RSRC1: variants seen among roughly 807,000 people sequenced by gnomAD.
RSRC1 encodes arginine and serine rich coiled-coil 1.
Under a neutral mutation model 49.1 loss-of-function variants are expected in RSRC1, and 39 were observed. The observed-to-expected ratio is 0.79, with a 90% CI of 0.61 to 1.04. RSRC1 has a LOEUF of 1.04. Among genes scored for constraint, RSRC1 ranks in the 50% least tolerant of loss-of-function variants. The pLI is 0.00. For synonymous variants in RSRC1, 143 were observed against 130.8 expected, an observed-to-expected ratio of 1.09 and a Z score of -0.63; for missense variants, 388 against 402.4, an observed-to-expected ratio of 0.96 and a Z score of 0.31.
At chr3:158,254,270 G>A (rs895260117) in intron 4 of RSRC1, among the ~76,000 whole-genome samples, 5 of 152,070 alleles carry the variant, frequency 3.3e-5, no homozygotes, top group Non-Finnish European at 7.3e-5. Flanking sequence ...TAATCCTTTG[G>A]GTATATACCC....
chr3:158,482,527 T>G (rs1338145196), intron 7 of RSRC1, among the ~76,000 whole-genome samples: 1 of 152,028 alleles, frequency 6.6e-6, no homozygotes, highest in Non-Finnish European at 1.5e-5. Flanking sequence ...TTCATTGTAG[T>G]CCTGCCTAAA....
At chr3:158,455,033 G>T (rs1041005676) in intron 6 of RSRC1, among the ~76,000 whole-genome samples, 4 of 152,052 alleles carry the variant, frequency 2.6e-5, no homozygotes, top group Non-Finnish European at 5.9e-5. Context: ...TTGTTTTGCT[G>T]CTTTAATAAT....
chr3:158,278,849 C>T (rs1269119216), intron 4 of RSRC1, among the ~76,000 whole-genome samples: 1 of 151,998 alleles, frequency 6.6e-6, no homozygotes, highest in African/African-American at 2.4e-5. Flanking sequence ...ATGAGATACT[C>T]CATTTTAAAT....
chr3:158,276,495 G>A (rs936074514), intron 4 of RSRC1: 5 of 573,670 alleles, frequency 8.7e-6, no homozygotes, highest in African/African-American at 1.9e-5. Context: ...ATTAACATTT[G>A]TCTTTTTTTC....
chr3:158,400,991 T>C (rs926227595), intron 6 of RSRC1, among the ~76,000 whole-genome samples: 2 of 152,026 alleles, frequency 1.3e-5, no homozygotes. Flanking sequence ...ATCTTTTCTG[T>C]GTTGAGATAT....
chr3:158,542,077 T>C (rs922154009), intron 8 of RSRC1, among the ~76,000 whole-genome samples: 2 of 152,070 alleles, frequency 1.3e-5, no homozygotes, highest in Admixed American at 1.3e-4. Flanking sequence ...TTCAAACTTT[T>C]ATATATATAT....
chr3:158,314,624 A>G (rs1728317782), intron 5 of RSRC1, among the ~76,000 whole-genome samples: 2 of 152,174 alleles, frequency 1.3e-5, no homozygotes, highest in Non-Finnish European at 2.9e-5. Context: ...AAAATGTGTC[A>G]TGAGGGTAGG....
chr3:158,358,065 A>G (rs1425283102), intron 6 of RSRC1, among the ~76,000 whole-genome samples: 2 of 152,186 alleles, frequency 1.3e-5, no homozygotes, highest in Non-Finnish European at 2.9e-5. Flanking sequence ...TTTAGCCACG[A>G]TTTTTAGTGG....
chr3:158,229,370 A>G (rs546536520), intron 4 of RSRC1, among the ~76,000 whole-genome samples: 3 of 107,424 alleles, frequency 2.8e-5, no homozygotes, highest in African/African-American at 9.1e-5. Flanking sequence ...ATACACACGT[A>G]TATGTGTATG....
At chr3:158,199,090 C>T (rs911978827) in intron 3 of RSRC1, among the ~76,000 whole-genome samples, 1 of 152,144 alleles carries the variant, frequency 6.6e-6, no homozygotes, top group African/African-American at 2.4e-5. Context: ...ACGCTATTCT[C>T]ATGATAGTGA....
chr3:158,516,512 G>A (rs1262056655), intron 7 of RSRC1, among the ~76,000 whole-genome samples: 1 of 152,190 alleles, frequency 6.6e-6, no homozygotes, highest in East Asian at 1.9e-4. Context: ...CTGTCAGACA[G>A]GGACATTTAA....
intron 7 of RSRC1, among the ~76,000 whole-genome samples, chr3:158,488,623 G>A (rs945590461): frequency 1.3e-5 from 2 of 151,958 alleles, no homozygotes; most frequent in Admixed American, 1.3e-4. Flanking sequence ...CTAGCAAAGG[G>A]TCCATTAAAG....
chr3:158,470,258 C>T (rs1236061019), intron 7 of RSRC1, among the ~76,000 whole-genome samples: 2 of 149,158 alleles, frequency 1.3e-5, no homozygotes, highest in Non-Finnish European at 3.0e-5. Flanking sequence ...AGTGGGTATC[C>T]AAGAAGAATT....
At chr3:158,480,478 G>C (rs1738563699) in intron 7 of RSRC1, among the ~76,000 whole-genome samples, 1 of 151,904 alleles carries the variant, frequency 6.6e-6, no homozygotes, top group South Asian at 2.1e-4. Flanking sequence ...TTTACTTTTG[G>C]TTAGAAAGTG....
chr3:158,422,851 T>G (rs1048544178), intron 6 of RSRC1, among the ~76,000 whole-genome samples: 1 of 151,158 alleles, frequency 6.6e-6, no homozygotes, highest in African/African-American at 2.4e-5. Context: ...TTTTCATGTG[T>G]TTTTTGGCTG....
chr3:158,166,978 G>A (rs191214873), intron 3 of RSRC1, among the ~76,000 whole-genome samples: 2 of 152,132 alleles, frequency 1.3e-5, no homozygotes, highest in East Asian at 1.9e-4. Flanking sequence ...TGCTCATCTT[G>A]TTTTTATAGC....
intron 7 of RSRC1, among the ~76,000 whole-genome samples, chr3:158,470,353 CACACACACATATAT>C (rs540608428): frequency 0.019 from 2,258 of 120,040 alleles, 21 homozygotes; most frequent in African/African-American, 0.052. Flanking sequence ...CACACACACA[CACACACACATATAT>C]ATATATATAT....
rs569257263 is a variant in RSRC1 at position 158,362,595 on chromosome 3, C to A, written c.583+7687C>A. On this transcript the variant is annotated intron_variant, in intron 6 of 9. Transcript: ENST00000611884. ...CAAAAGCAGAAGATATATGACATAA[C>A]CTGACTTTTTACACTTAAACTTTAA... Among the ~76,000 whole-genome samples the A allele has an allele frequency of 2.0e-5, 3 of 152,198 alleles. No homozygotes were observed. In the East Asian group the frequency reaches 5.8e-4, roughly 29 times the overall value.
At chr3:158,536,935 T>C (rs1388335957) in intron 7 of RSRC1, among the ~76,000 whole-genome samples, 157 bp from the exon 8 acceptor site, 5 of 151,600 alleles carry the variant, frequency 3.3e-5, no homozygotes, top group East Asian at 1.9e-4. Context: ...AGGAATGTTA[T>C]ATTTGTGGAT....
Sources: allele counts gnomAD v4.1 joint callset (sites outside exome capture counted in the v4.1 genomes callset), GRCh38; gene constraint gnomAD v4.1.1; transcripts MANE v1.5; gene names NCBI Gene and HGNC (gene_info 2026-07-23, HGNC 2026-07-21).